The following AR variants were observed in gnomAD, a reference collection of about 807,000 sequenced individuals.
AR encodes the protein androgen receptor, also known as dihydrotestosterone receptor.
AR carries 8 observed loss-of-function variants against 53.9 expected under a neutral mutation model. That is an observed-to-expected ratio of 0.15 (90% CI 0.09 to 0.27). The LOEUF (loss-of-function observed/expected upper bound fraction) is 0.27, where lower values mean the gene tolerates loss of function less well. Ranked by LOEUF, AR falls within the 10% of genes least tolerant of loss-of-function variation. The pLI is 1.00. For synonymous variants in AR, 359 were observed against 316.4 expected, an observed-to-expected ratio of 1.13 and a Z score of -1.43; for missense variants, 639 against 742.5, an observed-to-expected ratio of 0.86 and a Z score of 1.62.
chrX:67,567,780 CA>C (rs1222564378), intron 1 of AR, among the ~76,000 whole-genome samples: 2 of 112,043 alleles, frequency 1.8e-5, no homozygotes, highest in African/African-American at 6.5e-5. Context: ...ATAGATGAAA[CA>C]TTAAGTCTAG....
Position 67,545,288 on chromosome X carries a change from G to T in AR, c.142G>T (p.Ala48Ser), listed in dbSNP as rs778943779. 8.3e-7 allele frequency: 1 copy of T among 1,198,056 alleles called. No homozygotes were observed. The highest frequency in any genetic ancestry group is 3.0e-5 in the East Asian group (1 of 33,030). The change falls in exon 1 of 8, where the codon GCA becomes TCA. Residue 48 changes from alanine (A) to serine (S), a missense_variant. Ala to Ser is a moderately conservative substitution (Grantham distance 99). Coordinates refer to ENST00000374690, the MANE Select transcript of AR (RefSeq NM_000044.6). ...GPRHPEAASA[A>S]PPGASLLLLQ... Reference sequence around the variant, plus strand: ...CAGGCACCCAGAGGCCGCGAGCGCAGCACCTCCCGGCGCCAGTTTGCTGCT... The same window carrying T: ...CAGGCACCCAGAGGCCGCGAGCGCATCACCTCCCGGCGCCAGTTTGCTGCT...
At chrX:67,588,708 GT>G (rs1310648577) in intron 1 of AR, among the ~76,000 whole-genome samples, 1 of 112,300 alleles carries the variant, frequency 8.9e-6, no homozygotes, top group Non-Finnish European at 1.9e-5. Context: ...CTCACAATTG[GT>G]TTTTATTCTC....
At chrX:67,564,127 T>C (rs1387848627) in intron 1 of AR, among the ~76,000 whole-genome samples, 2 of 111,296 alleles carry the variant, frequency 1.8e-5, no homozygotes, top group East Asian at 5.7e-4. Context: ...CAAAGGACCT[T>C]CCTCTCAACA....
chrX:67,678,669 T>C (rs2075914973), intron 2 of AR, among the ~76,000 whole-genome samples: 1 of 111,610 alleles, frequency 9.0e-6, no homozygotes, highest in African/African-American at 3.3e-5. Context: ...TTTTTTCTGA[T>C]CCTCTCCCTT....
At chrX:67,631,088 C>A (rs1169616013) in intron 1 of AR, among the ~76,000 whole-genome samples, 1 of 111,217 alleles carries the variant, frequency 9.0e-6, no homozygotes, top group African/African-American at 3.3e-5. Flanking sequence ...TCCTTCATTT[C>A]AACTTTTTTG....
At chrX:67,625,615 A>G (rs1403071203) in intron 1 of AR, among the ~76,000 whole-genome samples, 2 of 111,777 alleles carry the variant, frequency 1.8e-5, no homozygotes, top group African/African-American at 3.2e-5. Flanking sequence ...TTTAAGACCA[A>G]TTGACTTTCA....
intron 5 of AR, among the ~76,000 whole-genome samples, chrX:67,721,253 T>C (rs888914005): frequency 2.7e-5 from 3 of 112,188 alleles, no homozygotes; most frequent in Non-Finnish European, 3.8e-5. Flanking sequence ...GAAAGAACAA[T>C]GTGGAATCTC....
At chrX:67,639,535 T>A (rs949469726) in intron 1 of AR, among the ~76,000 whole-genome samples, 7 of 111,507 alleles carry the variant, frequency 6.3e-5, no homozygotes, top group African/African-American at 2.3e-4. Context: ...GTCCTTCACA[T>A]CCCTTGTAAG....
At chrX:67,630,660 G>A (rs1490695283) in intron 1 of AR, among the ~76,000 whole-genome samples, 1 of 110,177 alleles carries the variant, frequency 9.1e-6, no homozygotes, top group African/African-American at 3.3e-5. Flanking sequence ...ATATTGTTAT[G>A]TGTGAATTTT....
intron 1 of AR, among the ~76,000 whole-genome samples, chrX:67,572,064 T>G (rs1416383454): frequency 9.0e-6 from 1 of 111,247 alleles, no homozygotes; most frequent in African/African-American, 3.3e-5. Context: ...AGCTACCAAA[T>G]GATTGCATAT....
intron 1 of AR, among the ~76,000 whole-genome samples, chrX:67,587,636 T>C (rs1340335702): frequency 9.0e-6 from 1 of 111,676 alleles, no homozygotes; most frequent in Non-Finnish European, 1.9e-5. Flanking sequence ...TCAGAATGCT[T>C]CTGGAAAGGC....
At chrX:67,668,404 G>A (rs149966799) in intron 2 of AR, among the ~76,000 whole-genome samples, 1,175 of 111,753 alleles carry the variant, frequency 0.011, 4 homozygotes, top group Non-Finnish European at 0.018. Flanking sequence ...TGCATCCCGT[G>A]GTAAATCCCA....
At chrX:67,586,319 T>C (rs1408598106) in intron 1 of AR, among the ~76,000 whole-genome samples, 2 of 111,900 alleles carry the variant, frequency 1.8e-5, no homozygotes, top group Admixed American at 1.9e-4. Flanking sequence ...AACTTCTTAC[T>C]ATTTCATTTC....
intron 1 of AR, among the ~76,000 whole-genome samples, chrX:67,607,491 ACTT>A (rs1337564547): frequency 9.0e-6 from 1 of 111,679 alleles, no homozygotes; most frequent in Non-Finnish European, 1.9e-5. Context: ...CTTTCTAGCT[ACTT>A]CTTTGAGTTA....
At chrX:67,589,825 CA>C in intron 1 of AR, among the ~76,000 whole-genome samples, 1 of 111,633 alleles carries the variant, frequency 9.0e-6, no homozygotes, top group Middle Eastern at 4.6e-3. Flanking sequence ...AGCCAAGCCT[CA>C]AGGGGAGGAG....
intron 1 of AR, among the ~76,000 whole-genome samples, chrX:67,569,818 A>G (rs1390938394): frequency 8.2e-5 from 9 of 110,260 alleles, no homozygotes; most frequent in Non-Finnish European, 1.7e-4. Flanking sequence ...TGACTATTTC[A>G]GTTTATGTCA....
chrX:67,673,965 G>A (rs930613494), intron 2 of AR, among the ~76,000 whole-genome samples: 7 of 110,816 alleles, frequency 6.3e-5, no homozygotes, highest in African/African-American at 2.3e-4. Context: ...AAGGGATTTG[G>A]ATGCTGTGAT....
intron 3 of AR, among the ~76,000 whole-genome samples, chrX:67,687,089 A>G (rs1258318339): frequency 8.9e-6 from 1 of 111,977 alleles, no homozygotes; most frequent in African/African-American, 3.2e-5. Flanking sequence ...CTGCAACTGT[A>G]GCCTCATACC....
chrX:67,546,167 C>A lies in AR; in HGVS notation c.1021C>A (p.Leu341Met), dbSNP rs199522810. The A allele has an allele frequency of 1.7e-6, 2 of 1,211,115 alleles. No individual in the cohort carries two copies. Among genetic ancestry groups the A allele is most frequent in the Admixed American group, 2.2e-5 (1 of 46,061 alleles). ...AGCAGGGAGCTCCGGGACACTTGAA[C>A]TGCCGTCTACCCTGTCTCTCTACAA... ...AAAGSSGTLE[L>M]PSTLSLYKSG... Residue 341 changes from leucine to methionine, a missense_variant, in exon 1 of 8, where the codon CTG becomes ATG. By Grantham distance (15) the Leu-to-Met change is conservative. This residue lies in a region of AR where 423 missense variants were observed against 377.0 expected (regional missense o/e 1.12). Coordinates refer to ENST00000374690, the MANE Select transcript of AR (RefSeq NM_000044.6).
Sources: gnomAD v4.1 joint callset for allele counts (sites outside exome capture counted in the v4.1 genomes callset) on GRCh38, gnomAD v4.1.1 for gene constraint, gnomAD v4.1.1 regional missense constraint, MANE v1.5 for transcripts, NCBI Gene and HGNC (gene_info 2026-07-23, HGNC 2026-07-21) for gene names.